PIK3CB: variants seen among roughly 807,000 people sequenced by gnomAD.
The protein encoded by PIK3CB is phosphatidylinositol-4,5-bisphosphate 3-kinase catalytic subunit beta.
Under a neutral mutation model 136.8 loss-of-function variants are expected in PIK3CB, and 39 were observed. The ratio of observed to expected loss-of-function variants is 0.29; its 90% CI spans 0.22 to 0.37. The LOEUF is 0.37. Ranked by LOEUF, PIK3CB falls within the 10% of genes least tolerant of loss-of-function variation. The probability of loss-of-function intolerance (pLI) is 1.00; values close to 1 mark genes in which losing one functional copy is unlikely to be tolerated. For missense variants in PIK3CB, 868 were observed against 1,275.4 expected, an observed-to-expected ratio of 0.68 and a Z score of 4.87; for synonymous variants, 428 against 436.6, an observed-to-expected ratio of 0.98 and a Z score of 0.25.
chr3:138,734,428 C>T (rs774297700), intron 7 of PIK3CB, among the ~76,000 whole-genome samples: 6 of 152,026 alleles, frequency 3.9e-5, no homozygotes, highest in Non-Finnish European at 7.4e-5. Flanking sequence ...AAAATATAAA[C>T]GGCATATTTA....
intron 2 of PIK3CB, among the ~76,000 whole-genome samples, chr3:138,789,917 C>G (rs2046029299): frequency 6.6e-6 from 1 of 152,128 alleles, no homozygotes; most frequent in Admixed American, 6.5e-5. Context: ...TCTCGAACTC[C>G]TGACCTCGTG....
At chr3:138,815,738 T>G (rs1429688586) in intron 1 of PIK3CB, among the ~76,000 whole-genome samples, 3 of 152,192 alleles carry the variant, frequency 2.0e-5, no homozygotes, top group Non-Finnish European at 4.4e-5. Context: ...TACAGGAGGA[T>G]GTGTGCAGGT....
chr3:138,791,255 G>C (rs1019914908), intron 2 of PIK3CB, among the ~76,000 whole-genome samples: 1 of 151,620 alleles, frequency 6.6e-6, no homozygotes, highest in Non-Finnish European at 1.5e-5. Context: ...CAATCCTCTA[G>C]CCTCAGTCTC....
chr3:138,785,524 C>G lies in PIK3CB; in HGVS notation c.-17+10939G>C, dbSNP rs370820183. 3.3e-5 allele frequency among the ~76,000 whole-genome samples: 5 copies of G among 152,166 alleles called. No individual in the cohort carries two copies. In the South Asian group the frequency reaches 1.0e-3, roughly 32 times the overall value. On this transcript the variant is annotated intron_variant, in intron 2 of 23. Transcript: ENST00000674063. ...GTTAATCTATAACCTTACCCCCAAC[C>G]CCATGCTCTCTGAAACATGTGCTGT...
chr3:138,823,753 T>A (rs1933662965), intron 1 of PIK3CB, among the ~76,000 whole-genome samples: 1 of 152,162 alleles, frequency 6.6e-6, no homozygotes, highest in African/African-American at 2.4e-5. Context: ...ATCAGTAGGC[T>A]AACTTATTAA....
At chr3:138,771,103 G>T (rs1367926140) in intron 2 of PIK3CB, among the ~76,000 whole-genome samples, 4 of 152,112 alleles carry the variant, frequency 2.6e-5, no homozygotes, top group Admixed American at 2.6e-4. Flanking sequence ...TCTGGGCTTT[G>T]GTCCCTACCC....
In PIK3CB at chr3:138,739,614, A is replaced by T. The variant is rs564878024; in HGVS notation, c.622-1728T>A. Among the ~76,000 whole-genome samples the T allele has an allele frequency of 3.9e-4, 59 of 151,690 alleles. No individual in the cohort carries two copies. The Middle Eastern group carries it at 0.01, about 27-fold the overall frequency. ...ACTTCCCAGCTTTCAGAATTCTGAG[A>T]AACAGGCCAGGTGCAGTGGATCACA... On this transcript the variant is annotated intron_variant, in intron 5 of 23. Coordinates refer to ENST00000674063, the MANE Select transcript of PIK3CB (RefSeq NM_006219.3).
chr3:138,813,782 A>C (rs1221141049), intron 1 of PIK3CB, among the ~76,000 whole-genome samples: 1 of 152,206 alleles, frequency 6.6e-6, no homozygotes, highest in Non-Finnish European at 1.5e-5. Flanking sequence ...AGCAGAAATT[A>C]AATTATACAA....
chr3:138,786,387 T>C (rs1390567379), intron 2 of PIK3CB, among the ~76,000 whole-genome samples: 8 of 152,138 alleles, frequency 5.3e-5, no homozygotes, highest in Admixed American at 3.3e-4. Context: ...TGGAGTCTTG[T>C]TCTTGTCACC....
chr3:138,682,362 A>G (rs1235297853), intron 18 of PIK3CB, among the ~76,000 whole-genome samples: 1 of 152,186 alleles, frequency 6.6e-6, no homozygotes, highest in Non-Finnish European at 1.5e-5. Flanking sequence ...AGCTGGCCCT[A>G]CTACTCCCAT....
intron 18 of PIK3CB, among the ~76,000 whole-genome samples, chr3:138,682,283 T>C (rs933862289): frequency 1.2e-4 from 19 of 152,256 alleles, no homozygotes; most frequent in African/African-American, 4.6e-4. Flanking sequence ...TCCTATTGAA[T>C]ATAAGCATAG....
At chr3:138,677,560 A>C (rs2043674058) in intron 19 of PIK3CB, among the ~76,000 whole-genome samples, 1 of 152,250 alleles carries the variant, frequency 6.6e-6, no homozygotes, top group South Asian at 2.1e-4. Flanking sequence ...TAAAGTACCT[A>C]TAATGATCAA....
At chr3:138,732,217 A>G (rs1374390284) in intron 8 of PIK3CB, among the ~76,000 whole-genome samples, 1 of 152,066 alleles carries the variant, frequency 6.6e-6, no homozygotes, top group Non-Finnish European at 1.5e-5. Context: ...TTCCTAGCAA[A>G]TTTCCTGTAT....
chr3:138,773,024 G>A (rs952507366), intron 2 of PIK3CB, among the ~76,000 whole-genome samples: 1 of 151,820 alleles, frequency 6.6e-6, no homozygotes, highest in Non-Finnish European at 1.5e-5. Context: ...CTAACGTCAA[G>A]AGATCCACCT....
chr3:138,815,164 T>TAA (rs1559889434), intron 1 of PIK3CB, among the ~76,000 whole-genome samples: 1 of 68,754 alleles, frequency 1.5e-5, no homozygotes, highest in African/African-American at 6.9e-5. Context: ...AAAAAAAAAA[T>TAA]ATATATATAT....
intron 2 of PIK3CB, among the ~76,000 whole-genome samples, chr3:138,763,811 T>TA (rs1383970854): frequency 6.6e-6 from 1 of 152,132 alleles, no homozygotes; most frequent in Non-Finnish European, 1.5e-5. Context: ...TTAAGGTAGA[T>TA]ACAAAAATTT....
chr3:138,792,561 A>G (rs1037263496), intron 2 of PIK3CB, among the ~76,000 whole-genome samples: 2 of 152,112 alleles, frequency 1.3e-5, no homozygotes, highest in South Asian at 4.1e-4. Context: ...GGGCCACTGT[A>G]CTCAGCTTGC....
intron 8 of PIK3CB, among the ~76,000 whole-genome samples, chr3:138,727,751 C>A (rs2044871298): frequency 6.6e-6 from 1 of 152,188 alleles, no homozygotes; most frequent in Non-Finnish European, 1.5e-5. Flanking sequence ...AACAACAAAA[C>A]AAATTCTCTG....
chr3:138,829,508 C>CAAGG (rs1340159283), intron 1 of PIK3CB, among the ~76,000 whole-genome samples: 3 of 151,978 alleles, frequency 2.0e-5, no homozygotes, highest in Admixed American at 6.6e-5. Context: ...AGAGTGTGCT[C>CAAGG]AAGGATTGGC....
Sources: gnomAD v4.1 joint callset for allele counts (sites outside exome capture counted in the v4.1 genomes callset) on GRCh38, gnomAD v4.1.1 for gene constraint, MANE v1.5 for transcripts, NCBI Gene and HGNC (gene_info 2026-07-23, HGNC 2026-07-21) for gene names.